Variants in PRDM15 observed in about 807,000 individuals in gnomAD.
PRDM15 encodes the protein PR/SET domain 15.
A neutral mutation model predicts 128.6 loss-of-function variants in PRDM15; 64 were observed. That is an observed-to-expected ratio of 0.50 (90% CI 0.41 to 0.61). PRDM15 has a LOEUF of 0.61. Ranked by LOEUF, PRDM15 falls within the 20% of genes least tolerant of loss-of-function variation. The probability of loss-of-function intolerance (pLI) is 0.00; values close to 1 mark genes in which losing one functional copy is unlikely to be tolerated. For synonymous variants in PRDM15, 615 were observed against 621.8 expected, an observed-to-expected ratio of 0.99 and a Z score of 0.16; for missense variants, 1,242 against 1,569.1, an observed-to-expected ratio of 0.79 and a Z score of 3.52.
Position 41,859,067 on chromosome 21 carries a change from G to C in PRDM15, c.131+525C>G. 1.9e-6 allele frequency: 3 copies of C among 1,578,518 alleles called. No individual in the cohort carries two copies. The highest frequency in any genetic ancestry group is 1.2e-5 in the South Asian group (1 of 86,438). On this transcript the variant is annotated intron_variant, in intron 3 of 23. Coordinates refer to ENST00000398548, the MANE Select transcript of PRDM15 (RefSeq NM_001040424.3). The surrounding 1 kb of genome is among the most constrained non-coding windows in gnomAD (Gnocchi z 5.3). ...CACCAGGTGGCACAGCCTCCCCCAG[G>C]TGAGGGTGGAACGGCAGGGCAGCTG... is the stretch of plus-strand genomic sequence containing the variant.
chr21:41,812,610 T>C (rs1178750281), intron 19 of PRDM15: 1 of 152,208 alleles, frequency 6.6e-6, no homozygotes, highest in African/African-American at 2.4e-5. Context: ...GCCTGGTCTT[T>C]AGACAAAGCC....
In PRDM15 at chr21:41,832,280, G is replaced by T. The variant is rs1447427007; in HGVS notation, c.1366+3157C>A. 1.3e-5 allele frequency among the ~76,000 whole-genome samples: 2 copies of T among 152,166 alleles called. No homozygotes were observed. Among genetic ancestry groups the T allele is most frequent in the Admixed American group, 6.5e-5 (1 of 15,284 alleles). On this transcript the variant is annotated intron_variant, in intron 11 of 23. Coordinates refer to ENST00000398548, the MANE Select transcript of PRDM15 (RefSeq NM_001040424.3). This position sits in a 1 kb window ranked among gnomAD's most constrained non-coding sequence, Gnocchi z 4.2. ...TGGGACCACTAGAGCCAAGCGCTTTGTGAAAGGCCACACCTTACAGCGCTG... is the reference window on the plus strand; with the variant it reads ...TGGGACCACTAGAGCCAAGCGCTTTTTGAAAGGCCACACCTTACAGCGCTG...
At position 41,839,607 on chromosome 21, in the gene PRDM15, G is replaced by A. The variant is rs201784696; in HGVS notation, c.871+16C>T. 15 of 1,511,778 alleles carry A rather than the reference G, an allele frequency of 9.9e-6. No homozygotes were observed. Among genetic ancestry groups the A allele is most frequent in the South Asian group, 6.7e-5 (6 of 89,856 alleles). 93.6% of individuals were successfully genotyped at this position (1,511,778 alleles called of 1,614,324 possible). The stretch of plus-strand genomic sequence containing the variant: ...GCGCCCCACGCAGGCACTCATCCCC[G>A]GGACCCGCTCATCACCTGTGGGTTC... On this transcript the variant is annotated intron_variant, in intron 7 of 23. Transcript: ENST00000398548.
intron 13 of PRDM15, among the ~76,000 whole-genome samples, chr21:41,825,175 C>A (rs1306680843): frequency 6.6e-6 from 1 of 152,254 alleles, no homozygotes; most frequent in Admixed American, 6.5e-5. Flanking sequence ...TGACATCTTA[C>A]AGTCACCTGA....
chr21:41,851,215 G>A (rs7279175), intron 5 of PRDM15, among the ~76,000 whole-genome samples: 95,236 of 152,030 alleles, frequency 0.63, 30,107 homozygotes, highest in Admixed American at 0.71. Context: ...GCAGGAGTGG[G>A]ATTACGCAGT....
intron 22 of PRDM15, among the ~76,000 whole-genome samples, chr21:41,804,265 A>G (rs906893885): frequency 1.3e-5 from 2 of 152,228 alleles, no homozygotes; most frequent in African/African-American, 4.8e-5. Flanking sequence ...CGCCCAGCCA[A>G]TTGTTCTAAT....
In PRDM15 at chr21:41,838,133, A is replaced by G. The variant is rs547213949; in HGVS notation, c.872-70T>C. 1.4e-4 allele frequency: 210 copies of G among 1,543,066 alleles called. 4 individuals carry two copies. Among genetic ancestry groups the G allele is most frequent in the South Asian group, 1.3e-3 (113 of 88,670 alleles). Reference sequence around the variant, plus strand: ...GGACAAACACAGTCAAACCATGGTGACACACTGCCCCATGGGAACCACAGC... The same window carrying G: ...GGACAAACACAGTCAAACCATGGTGGCACACTGCCCCATGGGAACCACAGC... On this transcript the variant is annotated intron_variant, in intron 7 of 23. Coordinates refer to ENST00000398548, the MANE Select transcript of PRDM15 (RefSeq NM_001040424.3).
intron 6 of PRDM15, among the ~76,000 whole-genome samples, chr21:41,846,751 T>C (rs1173483233): frequency 1.3e-5 from 2 of 152,202 alleles, no homozygotes; most frequent in Non-Finnish European, 2.9e-5. Context: ...GGCTGTCAAG[T>C]AGAGACAACA....
rs376151244 is a variant in PRDM15 at position 41,849,324 on chromosome 21, T to C, written c.539-2133A>G. ...GGCTCATGCCTGTAATCCCAGCGCT[T>C]TGGGAGGCCCAGATGGGTGGATTAC... On this transcript the variant is annotated intron_variant, in intron 5 of 23. Transcript: ENST00000398548. Among the ~76,000 whole-genome samples, 4 of 152,242 alleles carry C rather than the reference T, an allele frequency of 2.6e-5. 1 individual carries two copies. Among genetic ancestry groups the C allele is most frequent in the Non-Finnish European group, 1.5e-5 (1 of 68,020 alleles).
At position 41,828,642 on chromosome 21, in the gene PRDM15, G is replaced by A. The variant is rs1161669134; in HGVS notation, c.1367-309C>T. On this transcript the variant is annotated intron_variant, in intron 11 of 23. Coordinates refer to ENST00000398548, the MANE Select transcript of PRDM15 (RefSeq NM_001040424.3). The surrounding 1 kb of genome is among the most constrained non-coding windows in gnomAD (Gnocchi z 5.7). ...ACCTGGGGACGATGACTCCACTTCC[G>A]TCAGGAAAGCTGCCCAGTCCAAAGC... 3.3e-5 allele frequency among the ~76,000 whole-genome samples: 5 copies of A among 151,888 alleles called. No individual in the cohort carries two copies. The highest frequency in any genetic ancestry group is 1.9e-4 in the East Asian group (1 of 5,164).
At chr21:41,878,513 G>A (rs892917640) in intron 1 of PRDM15, among the ~76,000 whole-genome samples, 1 of 152,116 alleles carries the variant, frequency 6.6e-6, no homozygotes, top group African/African-American at 2.4e-5. Flanking sequence ...GCTGCGCGTG[G>A]CCCCCGTCCC....
At chr21:41,816,902 A>C (rs1395712536) in intron 18 of PRDM15, among the ~76,000 whole-genome samples, 1 of 152,128 alleles carries the variant, frequency 6.6e-6, no homozygotes, top group Non-Finnish European at 1.5e-5. Flanking sequence ...ATTAAAAAAA[A>C]AAAAAAGAGT....
intron 1 of PRDM15, among the ~76,000 whole-genome samples, chr21:41,868,421 G>A (rs1416388304): frequency 6.6e-6 from 1 of 152,074 alleles, no homozygotes; most frequent in Non-Finnish European, 1.5e-5. Context: ...CTGTTTTCCA[G>A]AGAGGCTGCA....
rs1313552653 is a variant in PRDM15, at chr21:41,832,088, T to C, written c.1366+3349A>G. ...GCGTCTGAGGCGTGCGTGTTTACAGTGCTGGACGTTTTCATGATCACTTTA... is the reference window on the plus strand; with the variant it reads ...GCGTCTGAGGCGTGCGTGTTTACAGCGCTGGACGTTTTCATGATCACTTTA... On this transcript the variant is annotated intron_variant, in intron 11 of 23. Transcript: ENST00000398548. This position sits in a 1 kb window ranked among gnomAD's most constrained non-coding sequence, Gnocchi z 4.2. Among the ~76,000 whole-genome samples, 2 of 152,236 alleles carry C rather than the reference T, an allele frequency of 1.3e-5. No individual in the cohort carries two copies. Among genetic ancestry groups the C allele is most frequent in the African/African-American group, 4.8e-5 (2 of 41,466 alleles).
chr21:41,841,251 G>T lies in PRDM15; in HGVS notation c.641-1398C>A, dbSNP rs2063065787. Among the ~76,000 whole-genome samples the T allele has an allele frequency of 3.9e-5, 6 of 152,118 alleles. No homozygotes were observed. The South Asian group carries it at 1.2e-3, about 32-fold the overall frequency. On this transcript the variant is annotated intron_variant, in intron 6 of 23. Coordinates refer to ENST00000398548, the MANE Select transcript of PRDM15 (RefSeq NM_001040424.3). ...TTGCAGAATTCCAAAGACAGAGGAG[G>T]TTTCAAAAGCAACCAAGTACAAAGC...
intron 16 of PRDM15, 99 bp from the exon 17 acceptor site, chr21:41,820,273 C>A: frequency 1.2e-6 from 1 of 850,924 alleles, no homozygotes; most frequent in South Asian, 1.4e-5. Context: ...GGTGAGGCAA[C>A]AAGGTGCCAC....
chr21:41,810,877 T>C lies in PRDM15; in HGVS notation c.2393-41A>G. The stretch of plus-strand genomic sequence containing the variant: ...CACATAACTTCCTACGTTTAATGAG[T>C]GTTGTAAGTCCACATCAGGGCATGT... On this transcript the variant is annotated intron_variant, in intron 19 of 23. Coordinates refer to ENST00000398548, the MANE Select transcript of PRDM15 (RefSeq NM_001040424.3). The surrounding 1 kb of genome is among the most constrained non-coding windows in gnomAD (Gnocchi z 6.4). The C allele has an allele frequency of 3.8e-6, 6 of 1,576,208 alleles. No individual in the cohort carries two copies. Among genetic ancestry groups the C allele is most frequent in the Non-Finnish European group, 5.2e-6 (6 of 1,145,886 alleles).
chr21:41,857,365 A>G (rs1265985062), intron 3 of PRDM15, 36 bp from the exon 4 acceptor site: 4 of 1,610,750 alleles, frequency 2.5e-6, no homozygotes, highest in Middle Eastern at 1.7e-4. Context: ...AAAAGAGAGC[A>G]CTCACACCCA....
chr21:41,798,232 C>G lies in PRDM15; in HGVS notation c.*3008G>C, dbSNP rs1246402680. ...GGAGCAGAAGGCCAGCAATTGAAAACACGGGTCACAGCACCTTTTATTCGT... is the reference window on the plus strand; with the variant it reads ...GGAGCAGAAGGCCAGCAATTGAAAAGACGGGTCACAGCACCTTTTATTCGT... On this transcript the variant is annotated 3_prime_UTR_variant, in exon 24 of 24. Transcript: ENST00000398548. The G allele has an allele frequency of 6.6e-6, 1 of 152,200 alleles. No homozygotes were observed. Among genetic ancestry groups the G allele is most frequent in the African/African-American group, 2.4e-5 (1 of 41,440 alleles). 9.4% of individuals were successfully genotyped at this position (152,200 alleles called of 1,614,324 possible).
Sources: gnomAD v4.1 joint callset for allele counts (sites outside exome capture counted in the v4.1 genomes callset) on GRCh38, gnomAD v4.1.1 for gene constraint, Gnocchi (gnomAD v3.1) non-coding constraint, MANE v1.5 for transcripts, NCBI Gene and HGNC (gene_info 2026-07-23, HGNC 2026-07-21) for gene names.